The following PM20D2 variants were observed in gnomAD, a reference collection of about 807,000 sequenced individuals.
PM20D2 encodes peptidase M20 domain containing 2.
PM20D2 carries 33 observed loss-of-function variants against 42.9 expected under a neutral mutation model. The ratio of observed to expected loss-of-function variants is 0.77; its 90% confidence interval spans 0.58 to 1.03. The LOEUF (loss-of-function observed/expected upper bound fraction) is 1.03, where lower values mean the gene tolerates loss of function less well. PM20D2 is among the 50% of genes least tolerant of loss of function. The probability of loss-of-function intolerance (pLI) is 0.00; values close to 1 mark genes in which losing one functional copy is unlikely to be tolerated. For missense variants in PM20D2, 548 were observed against 557.0 expected (o/e 0.98, Z 0.16); for synonymous variants, 250 against 228.2 (o/e 1.10, Z -0.86).
chr6:89,133,067 T>A, the PM20D2 span, among the ~76,000 whole-genome samples: 6 of 145,376 alleles, frequency 4.1e-5, no homozygotes, highest in Non-Finnish European at 7.5e-5. Flanking sequence ...ACCAAAGAAA[T>A]TTTTTTTTTT....
intron 5 of PM20D2, among the ~76,000 whole-genome samples, chr6:89,160,467 T>C (rs538276326): frequency 2.0e-5 from 3 of 152,352 alleles, no homozygotes; most frequent in Non-Finnish European, 2.9e-5. Flanking sequence ...TCCTTTATTC[T>C]CTTACCAATC....
the PM20D2 span, among the ~76,000 whole-genome samples, chr6:89,109,336 G>C: frequency 6.6e-6 from 1 of 152,158 alleles, no homozygotes; most frequent in Non-Finnish European, 1.5e-5. Flanking sequence ...GCATATCTCT[G>C]TACCTAATGT....
intron 1 of PM20D2, among the ~76,000 whole-genome samples, chr6:89,148,023 C>T (rs138463650): frequency 9.6e-4 from 137 of 142,082 alleles, no homozygotes; most frequent in African/African-American, 3.5e-3. Flanking sequence ...ATTCTGTCGC[C>T]CAGGCCGAGT....
chr6:89,158,346 CA>C lies in PM20D2; in HGVS notation c.935del (p.His312LeufsTer23). The C allele has an allele frequency of 6.3e-7, 1 of 1,589,374 alleles. No individual in the cohort carries two copies. Among genetic ancestry groups the C allele is most frequent in the Non-Finnish European group, 8.5e-7 (1 of 1,173,346 alleles). ...GCTVEIKGGAHDYYNVLPNKS... is the reference protein window; with the variant it reads ...GCTVEIKGGAXDYYNVLPNKS... ...TTAGGTGGAAATTAAAGGTGGAGCA[CA>C]TGATTATTACAATGTTCTTCCCAAT... On this transcript the variant is annotated frameshift_variant, in exon 5 of 7. Transcript: ENST00000275072. LOFTEE classifies it high-confidence loss of function.
At chr6:89,109,820 G>A in the PM20D2 span, among the ~76,000 whole-genome samples, 37 of 152,300 alleles carry the variant, frequency 2.4e-4, 1 homozygote, top group South Asian at 7.5e-3. Flanking sequence ...GGCCGGGCGC[G>A]GTGGCTCACG....
chr6:89,094,747 A>G, the PM20D2 span, among the ~76,000 whole-genome samples: 1 of 151,482 alleles, frequency 6.6e-6, no homozygotes. Context: ...TGACATTTGA[A>G]TGCCTGTCAG....
chr6:89,160,637 C>T (rs1771203442), intron 5 of PM20D2, among the ~76,000 whole-genome samples: 1 of 152,208 alleles, frequency 6.6e-6, no homozygotes, highest in Non-Finnish European at 1.5e-5. Flanking sequence ...ATTTCAAATA[C>T]TATTTCTTGC....
At chr6:89,101,109 C>CAAAAAAAAAAAAA in the PM20D2 span, among the ~76,000 whole-genome samples, 2 of 54,636 alleles carry the variant, frequency 3.7e-5, no homozygotes, top group Non-Finnish European at 4.7e-5. Flanking sequence ...ACCTCCAAGA[C>CAAAAAAAAAAAAA]AAAAAAAAAA....
chr6:89,110,122 C>T, the PM20D2 span, among the ~76,000 whole-genome samples: 7 of 152,126 alleles, frequency 4.6e-5, no homozygotes, highest in Non-Finnish European at 1.0e-4. Context: ...CCGTATTTGA[C>T]ATACTTGCCA....
chr6:89,132,572 G>A, the PM20D2 span, among the ~76,000 whole-genome samples: 6 of 151,398 alleles, frequency 4.0e-5, no homozygotes, highest in East Asian at 1.9e-4. Context: ...CTGGATGGGC[G>A]CAGTGGCTCA....
the PM20D2 span, among the ~76,000 whole-genome samples, chr6:89,103,991 C>CTTTTTTTTTTTTTTT: frequency 1.2e-5 from 1 of 81,964 alleles, no homozygotes; most frequent in African/African-American, 4.7e-5. Context: ...TATTATATTT[C>CTTTTTTTTTTTTTTT]TTTTTTTTTT....
At chr6:89,101,498 G>C in the PM20D2 span, among the ~76,000 whole-genome samples, 14 of 152,134 alleles carry the variant, frequency 9.2e-5, no homozygotes, top group African/African-American at 3.4e-4. Flanking sequence ...GAGGCAGGTG[G>C]ATCACCTGAG....
chr6:89,125,684 G>A, the PM20D2 span, among the ~76,000 whole-genome samples: 2 of 151,956 alleles, frequency 1.3e-5, no homozygotes, highest in African/African-American at 4.8e-5. Flanking sequence ...TCGGGAGGCT[G>A]AGGCAGGAGA....
Position 89,162,272 on chromosome 6 carries a change from G to C in PM20D2, c.*9G>C. On this transcript the variant is annotated 3_prime_UTR_variant, in exon 7 of 7. Coordinates refer to ENST00000275072, the MANE Select transcript of PM20D2 (RefSeq NM_001010853.3). ...TAAATGCAGTAGAATAAAAGACTTA[G>C]GGGCCACTTATAAATCAAGAAGACG... The C allele has an allele frequency of 1.3e-6, 2 of 1,599,272 alleles. No individual in the cohort carries two copies. The highest frequency in any genetic ancestry group is 1.1e-5 in the South Asian group (1 of 88,130).
the PM20D2 span, among the ~76,000 whole-genome samples, chr6:89,115,032 G>A: frequency 6.6e-5 from 10 of 152,118 alleles, no homozygotes; most frequent in African/African-American, 1.7e-4. Context: ...TCCTAATTTC[G>A]TGATCTGCCC....
chr6:89,132,521 G>C, the PM20D2 span, among the ~76,000 whole-genome samples: 1 of 151,334 alleles, frequency 6.6e-6, no homozygotes, highest in Non-Finnish European at 1.5e-5. Flanking sequence ...TTCAAAGTTT[G>C]AGTGAACAAA....
the PM20D2 span, among the ~76,000 whole-genome samples, chr6:89,100,522 T>TAAAAAAAA: frequency 6.9e-6 from 1 of 144,742 alleles, no homozygotes. Context: ...CATGTTATGT[T>TAAAAAAAA]AAAAAAAAAA....
In PM20D2 at chr6:89,155,310, A is replaced by G. The variant is rs1352540444; in HGVS notation, c.912+408A>G. Reference sequence around the variant, plus strand: ...TGGTGGGGGGACAGGGTGTTGCTCTATTGCCCAGGCTGGAGTTGCAGCGGC... The same window carrying G: ...TGGTGGGGGGACAGGGTGTTGCTCTGTTGCCCAGGCTGGAGTTGCAGCGGC... On this transcript the variant is annotated intron_variant, in intron 4 of 6. Coordinates refer to ENST00000275072, the MANE Select transcript of PM20D2 (RefSeq NM_001010853.3). Among the ~76,000 whole-genome samples, 114 of 94,270 alleles carry G rather than the reference A, an allele frequency of 1.2e-3. 6 individuals carry two copies. The Admixed American group carries it at 0.019, about 16-fold the overall frequency. 61.8% of individuals were successfully genotyped at this position (94,270 alleles called of 152,430 possible).
At chr6:89,132,415 C>G in the PM20D2 span, among the ~76,000 whole-genome samples, 3 of 147,138 alleles carry the variant, frequency 2.0e-5, no homozygotes, top group Non-Finnish European at 4.5e-5. Flanking sequence ...CCTTCTCATT[C>G]TCTTTTGGGA....
Sources: gnomAD v4.1 joint callset for allele counts (sites outside exome capture counted in the v4.1 genomes callset) on GRCh38, gnomAD v4.1.1 for gene constraint, MANE v1.5 for transcripts, NCBI Gene and HGNC (gene_info 2026-07-23, HGNC 2026-07-21) for gene names.